HAUS1: variants seen among roughly 807,000 people sequenced by gnomAD.
HAUS1 encodes the protein HAUS augmin-like complex subunit 1.
A neutral mutation model predicts 38.6 loss-of-function variants in HAUS1; 25 were observed. The observed-to-expected ratio is 0.65, with a 90% CI of 0.47 to 0.91. The LOEUF (loss-of-function observed/expected upper bound fraction) is 0.91, where lower values mean the gene tolerates loss of function less well. HAUS1 is among the 40% of genes least tolerant of loss of function. The pLI, the probability that HAUS1 is intolerant of heterozygous loss-of-function variation, is 0.00. For missense variants in HAUS1, 325 were observed against 328.4 expected, an observed-to-expected ratio of 0.99 and a Z score of 0.08; for synonymous variants, 109 against 112.9, an observed-to-expected ratio of 0.97 and a Z score of 0.22.
intron 2 of HAUS1, among the ~76,000 whole-genome samples, chr18:46,105,625 A>T (rs1318257384): frequency 6.6e-6 from 1 of 150,488 alleles, no homozygotes; most frequent in Non-Finnish European, 1.5e-5. Context: ...TCTGTCGCCC[A>T]GGCTGGAGTG....
chr18:46,104,636 C>G (rs1198945606), intron 1 of HAUS1, among the ~76,000 whole-genome samples, 195 bp downstream of exon 1: 1 of 152,174 alleles, frequency 6.6e-6, no homozygotes, highest in Non-Finnish European at 1.5e-5. Context: ...CCCTTCCTGC[C>G]CGGGCCTCCC....
At chr18:46,104,562 C>A in intron 1 of HAUS1, 121 bp downstream of exon 1, 1 of 811,446 alleles carries the variant, frequency 1.2e-6, no homozygotes, top group Non-Finnish European at 1.8e-6. Context: ...TCCACACATC[C>A]GTCTTTTAGT....
At chr18:46,119,506 T>G (rs1428166801) in intron 3 of HAUS1, among the ~76,000 whole-genome samples, 1 of 152,192 alleles carries the variant, frequency 6.6e-6, no homozygotes, top group African/African-American at 2.4e-5. Flanking sequence ...ACATTATGTT[T>G]TGTGCCTTCT....
chr18:46,124,274 G>T (rs528989555), intron 6 of HAUS1, among the ~76,000 whole-genome samples: 1 of 152,136 alleles, frequency 6.6e-6, no homozygotes, highest in East Asian at 1.9e-4. Flanking sequence ...GCCAGGCATG[G>T]TGGCACATGC....
intron 3 of HAUS1, among the ~76,000 whole-genome samples, chr18:46,119,322 G>T (rs1196603952): frequency 2.0e-5 from 3 of 148,066 alleles, no homozygotes; most frequent in Non-Finnish European, 4.4e-5. Context: ...ATCTAGACTT[G>T]AATTAAATAA....
chr18:46,118,467 T>A, intron 3 of HAUS1, 151 bp downstream of exon 3: 1 of 652,904 alleles, frequency 1.5e-6, no homozygotes, highest in Non-Finnish European at 2.6e-6. Flanking sequence ...TGAGTATAAT[T>A]AATTTGGATA....
chr18:46,113,316 A>C (rs1423436261), intron 2 of HAUS1, among the ~76,000 whole-genome samples: 2 of 151,900 alleles, frequency 1.3e-5, no homozygotes, highest in African/African-American at 4.8e-5. Context: ...ACCTCAAGTG[A>C]TCTGCCTGCC....
At chr18:46,111,077 C>T (rs1353993479) in intron 2 of HAUS1, among the ~76,000 whole-genome samples, 2 of 151,980 alleles carry the variant, frequency 1.3e-5, no homozygotes, top group East Asian at 3.9e-4. Flanking sequence ...AGGGTTTCTC[C>T]GTGTTAGCCA....
At chr18:46,116,351 C>T (rs1911795626) in intron 2 of HAUS1, among the ~76,000 whole-genome samples, 1 of 151,784 alleles carries the variant, frequency 6.6e-6, no homozygotes, top group African/African-American at 2.4e-5. Flanking sequence ...TGCTTGAGCC[C>T]AGGAGTTTGA....
chr18:46,109,025 C>G (rs1017031265), intron 2 of HAUS1, among the ~76,000 whole-genome samples: 2 of 147,876 alleles, frequency 1.4e-5, no homozygotes, highest in African/African-American at 2.5e-5. Flanking sequence ...ATGCTGAGAT[C>G]GCGCAACTGC....
chr18:46,122,215 G>A (rs532660726), intron 4 of HAUS1, among the ~76,000 whole-genome samples: 19 of 152,006 alleles, frequency 1.2e-4, no homozygotes, highest in Non-Finnish European at 2.9e-5. Flanking sequence ...GGAGGCTGAA[G>A]TGGGAGGATC....
In HAUS1 at chr18:46,105,336, T is replaced by C. The variant is rs1234105031; in HGVS notation, c.173T>C (p.Leu58Ser). Residue 58 changes from leucine to serine, a missense_variant, in exon 2 of 9, where the codon TTG becomes TCG. By Grantham distance (145) the Leu-to-Ser change is moderately radical. Transcript: ENST00000282058. ...DRDVYLVIED[L>S]KQKASEYESE... is the part of the protein sequence containing the mutation. ...GATGTCTACCTGGTAATAGAGGACT[T>C]GAAGCAGAAAGCAAGTGAATACGAG... 3 of 1,613,244 alleles carry C rather than the reference T, an allele frequency of 1.9e-6. No homozygotes were observed. Among genetic ancestry groups the C allele is most frequent in the Non-Finnish European group, 2.5e-6 (3 of 1,179,666 alleles).
At chr18:46,123,266 T>C (rs1244113444) in intron 5 of HAUS1, 33 bp from the exon 6 acceptor site, 4 of 1,473,544 alleles carry the variant, frequency 2.7e-6, no homozygotes. Context: ...TCAAATAATT[T>C]TTTAACTGAA....
intron 2 of HAUS1, among the ~76,000 whole-genome samples, chr18:46,113,401 A>G (rs1253802732): frequency 1.3e-5 from 2 of 152,048 alleles, no homozygotes; most frequent in Non-Finnish European, 2.9e-5. Context: ...TCTATCTTCA[A>G]GTTCACTTAT....
intron 5 of HAUS1, chr18:46,123,052 A>C (rs1360610101): frequency 7.4e-6 from 3 of 404,006 alleles, no homozygotes; most frequent in Admixed American, 4.0e-5. Context: ...TCTACTAAAA[A>C]TATAAAAAAT....
intron 2 of HAUS1, among the ~76,000 whole-genome samples, chr18:46,105,717 G>T (rs1360309310): frequency 6.6e-6 from 1 of 151,926 alleles, no homozygotes; most frequent in African/African-American, 2.4e-5. Context: ...AAGTAGCTGG[G>T]ACTACAGGCC....
At chr18:46,117,635 C>T (rs773805780) in intron 2 of HAUS1, among the ~76,000 whole-genome samples, 5 of 151,992 alleles carry the variant, frequency 3.3e-5, no homozygotes, top group Admixed American at 6.6e-5. Flanking sequence ...GGCAACCTAG[C>T]GAGATCTAGT....
rs573837709 is a variant in HAUS1 at position 46,118,909 on chromosome 18, C to T, written c.341+593C>T. The stretch of plus-strand genomic sequence containing the variant: ...TTGAGACAGAGTCTCATTCTGTCAC[C>T]CAGGCTGGAGTGCAGTGGCGTGATC... On this transcript the variant is annotated intron_variant, in intron 3 of 8. Transcript: ENST00000282058. Among the ~76,000 whole-genome samples, 10 of 152,216 alleles carry T rather than the reference C, an allele frequency of 6.6e-5. No individual in the cohort carries two copies. The South Asian group carries it at 2.1e-3, about 32-fold the overall frequency.
intron 7 of HAUS1, among the ~76,000 whole-genome samples, 185 bp downstream of exon 7, chr18:46,125,078 G>A (rs1419554651): frequency 6.6e-6 from 1 of 152,006 alleles, no homozygotes; most frequent in Non-Finnish European, 1.5e-5. Context: ...TGGCTAATAT[G>A]GTGAAACCCC....
Sources: allele counts gnomAD v4.1 joint callset (sites outside exome capture counted in the v4.1 genomes callset), GRCh38; gene constraint gnomAD v4.1.1; transcripts MANE v1.5; gene names NCBI Gene and HGNC (gene_info 2026-07-23, HGNC 2026-07-21).